LAMC1: variants seen among roughly 807,000 people sequenced by gnomAD.
LAMC1 encodes the protein laminin subunit gamma-1.
Under a neutral mutation model 173.6 loss-of-function variants are expected in LAMC1, and 38 were observed. The ratio of observed to expected loss-of-function variants is 0.22; its 90% CI spans 0.17 to 0.29. LAMC1 has a LOEUF of 0.29. LAMC1 is among the 10% of genes least tolerant of loss of function. The pLI, the probability that LAMC1 is intolerant of heterozygous loss-of-function variation, is 1.00. For synonymous variants in LAMC1, 746 were observed against 749.1 expected, an observed-to-expected ratio of 1.00 and a Z score of 0.07; for missense variants, 1,824 against 2,051.8, an observed-to-expected ratio of 0.89 and a Z score of 2.14.
intron 1 of LAMC1, among the ~76,000 whole-genome samples, chr1:183,055,716 G>T (rs529775309): frequency 7.2e-5 from 11 of 152,180 alleles, no homozygotes; most frequent in African/African-American, 2.6e-4. Context: ...GGAGGCTGAG[G>T]CAGGATAATC....
Position 183,053,168 on chromosome 1 carries a change from T to TA in LAMC1, c.418+29039dup, listed in dbSNP as rs1654480261. 1.6e-4 allele frequency among the ~76,000 whole-genome samples: 25 copies of TA among 152,216 alleles called. 1 individual carries two copies. The highest frequency in any genetic ancestry group is 1.6e-3 in the Admixed American group (25 of 15,272). ...TTAGGGTTTTCCAGTGCGTTAAATG[T>TA]AAAAACTTGAAAAGTTTGCTGAAAA... On this transcript the variant is annotated intron_variant, in intron 1 of 27. Coordinates refer to ENST00000258341, the MANE Select transcript of LAMC1 (RefSeq NM_002293.4).
intron 1 of LAMC1, among the ~76,000 whole-genome samples, chr1:183,035,420 C>T (rs760080817): frequency 7.9e-5 from 12 of 152,164 alleles, no homozygotes; most frequent in Admixed American, 6.5e-4. Flanking sequence ...CTCCTGGCCT[C>T]GAGCAATCCT....
chr1:183,134,867 G>A, intron 23 of LAMC1, 58 bp downstream of exon 23: 2 of 1,523,432 alleles, frequency 1.3e-6, no homozygotes, highest in South Asian at 2.4e-5. Flanking sequence ...CAGTCCAAAT[G>A]GGTCTGTGAT....
rs757737875 is a variant in LAMC1, at chr1:183,110,611, G to A, written c.978G>A (p.Arg326=). 12 of 1,613,894 alleles carry A rather than the reference G, an allele frequency of 7.4e-6. No individual in the cohort carries two copies. In the Admixed American group the frequency reaches 2.0e-4, roughly 27 times the overall value. ...CEKCLPFFND[R]PWRRATAESA... ...AGTGTCTTCCTTTCTTCAATGACCG[G>A]CCGTGGAGGAGGGCAACTGCGGAAA... The change falls in exon 4 of 28, where the codon CGG becomes CGA. Residue 326 remains arginine, a synonymous_variant. Transcript: ENST00000258341.
chr1:183,077,505 G>A (rs1655145655), intron 1 of LAMC1, among the ~76,000 whole-genome samples: 3 of 151,896 alleles, frequency 2.0e-5, no homozygotes, highest in Admixed American at 2.0e-4. Flanking sequence ...TTTGGTGCAC[G>A]CGAGCACTAT....
intron 1 of LAMC1, among the ~76,000 whole-genome samples, chr1:183,071,442 C>T (rs375140372): frequency 1.3e-5 from 2 of 152,142 alleles, no homozygotes; most frequent in Non-Finnish European, 1.5e-5. Flanking sequence ...CTTTGAGGTT[C>T]ATGTGTGACT....
intron 1 of LAMC1, among the ~76,000 whole-genome samples, chr1:183,032,241 T>C (rs1414860455): frequency 6.6e-6 from 1 of 152,198 alleles, no homozygotes; most frequent in Admixed American, 6.5e-5. Flanking sequence ...ACTTCTCTCT[T>C]TCTTAGACAA....
intron 1 of LAMC1, among the ~76,000 whole-genome samples, chr1:183,048,711 A>G (rs1276662827): frequency 6.6e-6 from 1 of 152,200 alleles, no homozygotes; most frequent in East Asian, 1.9e-4. Flanking sequence ...TGGGATGGTA[A>G]AGGAGAAGCA....
At chr1:183,111,104 T>C (rs551181547) in intron 4 of LAMC1, among the ~76,000 whole-genome samples, 2 of 151,862 alleles carry the variant, frequency 1.3e-5, no homozygotes, top group South Asian at 4.2e-4. Context: ...TTTCTTTTTT[T>C]TTTTTTGAGA....
chr1:183,048,228 C>T (rs549182722), intron 1 of LAMC1, among the ~76,000 whole-genome samples: 8 of 152,278 alleles, frequency 5.3e-5, no homozygotes, highest in Non-Finnish European at 1.0e-4. Context: ...TCTTACGGAA[C>T]AATGAAATCA....
chr1:183,110,774 G>T (rs1656126234), intron 4 of LAMC1, 120 bp downstream of exon 4: 4 of 1,046,934 alleles, frequency 3.8e-6, no homozygotes, highest in Non-Finnish European at 5.6e-6. Context: ...CCAGCTTTTT[G>T]TGTAATTTGA....
intron 1 of LAMC1, chr1:183,096,561 A>G (rs1051051254): frequency 1.3e-5 from 2 of 152,270 alleles, no homozygotes; most frequent in Non-Finnish European, 2.9e-5. Context: ...GCCTGTACTC[A>G]GAAAACATGA....
intron 1 of LAMC1, among the ~76,000 whole-genome samples, chr1:183,050,931 C>G (rs572409073): frequency 1.3e-4 from 19 of 148,548 alleles, no homozygotes; most frequent in African/African-American, 4.7e-4. Flanking sequence ...AATTAAAAGA[C>G]GTGGATATTT....
Position 183,142,786 on chromosome 1 carries a change from C to T in LAMC1, c.4826C>T (p.Pro1609Leu). ...GCFNTPSIEK[P>L] ...TTCAACACCCCGTCCATTGAAAAGC[C>T]CTAGTGTCTTTAGGGCTGGAAGGCA... Residue 1609 changes from proline to leucine, a missense_variant, in exon 28 of 28, where the codon CCC becomes CTC. Physicochemically the swap from Pro to Leu is moderately conservative, Grantham distance 98. Transcript: ENST00000258341. 1 of 1,609,818 alleles carries T rather than the reference C, an allele frequency of 6.2e-7. No individual in the cohort carries two copies. Among genetic ancestry groups the T allele is most frequent in the Non-Finnish European group, 8.5e-7 (1 of 1,178,010 alleles).
At chr1:183,135,272 G>A (rs758194580) in intron 24 of LAMC1, 116 bp downstream of exon 24, 1 of 661,202 alleles carries the variant, frequency 1.5e-6, no homozygotes, top group Admixed American at 2.6e-5. Context: ...CTTTTTTTAT[G>A]CTAAAGTATT....
chr1:183,060,249 A>G (rs1383529864), intron 1 of LAMC1, among the ~76,000 whole-genome samples: 2 of 152,056 alleles, frequency 1.3e-5, no homozygotes, highest in Non-Finnish European at 2.9e-5. Context: ...TTCCTGGAAC[A>G]TGACATGCAT....
rs141997805 is a variant in LAMC1 at position 183,048,511 on chromosome 1, A to G, written c.418+24377A>G. 3.0e-3 allele frequency among the ~76,000 whole-genome samples: 451 copies of G among 152,334 alleles called. 3 individuals carry two copies. The highest frequency in any genetic ancestry group is 0.01 in the African/African-American group (420 of 41,560). ...TTTTAAAAGTATAAACTTGTTATAAATAAGTACAAATGTCTGATAGCTTTG... is the reference window on the plus strand; with the variant it reads ...TTTTAAAAGTATAAACTTGTTATAAGTAAGTACAAATGTCTGATAGCTTTG... On this transcript the variant is annotated intron_variant, in intron 1 of 27. Coordinates refer to ENST00000258341, the MANE Select transcript of LAMC1 (RefSeq NM_002293.4).
intron 1 of LAMC1, among the ~76,000 whole-genome samples, chr1:183,070,534 T>C (rs1558038512): frequency 6.6e-6 from 1 of 152,232 alleles, no homozygotes; most frequent in Admixed American, 6.5e-5. Flanking sequence ...TTGAAGGATA[T>C]ACTACCATTT....
intron 1 of LAMC1, among the ~76,000 whole-genome samples, chr1:183,061,933 A>T (rs1311932688): frequency 6.6e-6 from 1 of 152,260 alleles, no homozygotes; most frequent in Non-Finnish European, 1.5e-5. Context: ...ACTGTACGTC[A>T]TTGGGACATG....
Sources: gnomAD v4.1 joint callset for allele counts (sites outside exome capture counted in the v4.1 genomes callset) on GRCh38, gnomAD v4.1.1 for gene constraint, MANE v1.5 for transcripts, NCBI Gene and HGNC (gene_info 2026-07-23, HGNC 2026-07-21) for gene names.